Variants in DDAH1 observed in about 807,000 individuals in gnomAD.
DDAH1 encodes the protein dimethylarginine dimethylaminohydrolase 1, also known as N(G),N(G)-dimethylarginine dimethylaminohydrolase 1.
In DDAH1, 19 loss-of-function variants were observed where a neutral mutation model predicts 28.8. The observed-to-expected ratio is 0.66, with a 90% CI of 0.46 to 0.97. The LOEUF is 0.97. Among genes scored for constraint, DDAH1 ranks in the 50% least tolerant of loss-of-function variants. The probability of loss-of-function intolerance (pLI) is 0.00; values close to 1 mark genes in which losing one functional copy is unlikely to be tolerated. For synonymous variants in DDAH1, 153 were observed against 154.4 expected (o/e 0.99, Z 0.07); for missense variants, 326 against 375.9 (o/e 0.87, Z 1.10).
chr1:85,370,597 G>C (rs1297818221), intron 1 of DDAH1, among the ~76,000 whole-genome samples: 1 of 68,390 alleles, frequency 1.5e-5, no homozygotes, highest in Non-Finnish European at 3.5e-5. Flanking sequence ...AACTGCAGTA[G>C]TCCAGGTGAA....
chr1:85,406,721 C>G (rs906668360), intron 1 of DDAH1, among the ~76,000 whole-genome samples: 1 of 152,022 alleles, frequency 6.6e-6, no homozygotes, highest in Admixed American at 6.6e-5. Flanking sequence ...AAATATACTC[C>G]TTTAGTTTTT....
chr1:85,569,196 A>G (rs1358196022), intron 1 of DDAH1, among the ~76,000 whole-genome samples: 1 of 152,248 alleles, frequency 6.6e-6, no homozygotes, highest in East Asian at 1.9e-4. Flanking sequence ...GAGTTCAATT[A>G]GATTTTTAAA....
chr1:85,351,249 T>C (rs1649184679), intron 3 of DDAH1, among the ~76,000 whole-genome samples: 1 of 152,120 alleles, frequency 6.6e-6, no homozygotes. Flanking sequence ...GCCAGGTGGT[T>C]GTATAATTAT....
At chr1:85,556,417 T>C (rs1459877922) in intron 1 of DDAH1, among the ~76,000 whole-genome samples, 1 of 152,186 alleles carries the variant, frequency 6.6e-6, no homozygotes, top group African/African-American at 2.4e-5. Context: ...AAAGCACATG[T>C]TCCTACATGC....
chr1:85,358,767 G>A lies in DDAH1; in HGVS notation c.384C>T (p.Gly128=), dbSNP rs145062287. The change falls in exon 2 of 6, where the codon GGC becomes GGT. Residue 128 remains glycine (G), a synonymous_variant. Transcript: ENST00000284031. ...CTATACCTGTGAATAAAACATCTCC[G>A]CCATCTAAAGTTGCATTTTCATCTT... ...EMKDENATLD[G]GDVLFTGREF... 63 of 1,608,458 alleles carry A rather than the reference G, an allele frequency of 3.9e-5. 2 individuals are homozygous for A. In the Middle Eastern group the frequency reaches 5.1e-3, roughly 131 times the overall value.
chr1:85,397,551 A>T (rs1651868550), intron 1 of DDAH1, among the ~76,000 whole-genome samples: 1 of 152,232 alleles, frequency 6.6e-6, no homozygotes, highest in Non-Finnish European at 1.5e-5. Flanking sequence ...TTTTAAAGCT[A>T]TCTCTAGCTC....
chr1:85,554,471 T>C (rs1296742163), intron 1 of DDAH1, among the ~76,000 whole-genome samples: 2 of 152,130 alleles, frequency 1.3e-5, no homozygotes, highest in African/African-American at 2.4e-5. Flanking sequence ...GATTTTTAAA[T>C]GACTGGAAAT....
chr1:85,422,083 C>CA (rs2100616139), intron 1 of DDAH1, among the ~76,000 whole-genome samples: 1 of 134,998 alleles, frequency 7.4e-6, no homozygotes, highest in South Asian at 2.2e-4. Flanking sequence ...TTGATATTGT[C>CA]AGTTTTTTAA....
intron 1 of DDAH1, among the ~76,000 whole-genome samples, chr1:85,437,497 AC>A (rs1308139095): frequency 6.6e-6 from 1 of 152,140 alleles, no homozygotes; most frequent in South Asian, 2.1e-4. Context: ...ATGATAATCC[AC>A]TTCCACTTAA....
chr1:85,479,159 C>CTT (rs35629726), intron 2 of DDAH1, among the ~76,000 whole-genome samples: 1,022 of 78,624 alleles, frequency 0.013, 7 homozygotes, highest in African/African-American at 0.021. Context: ...TTCTGTTTTT[C>CTT]TTTTTTTTTT....
At chr1:85,507,815 G>A (rs184817971) in intron 1 of DDAH1, among the ~76,000 whole-genome samples, 1 of 152,096 alleles carries the variant, frequency 6.6e-6, no homozygotes, top group Admixed American at 6.5e-5. Context: ...ATGACTTTTG[G>A]AGGAATAAAA....
chr1:85,505,071 C>T (rs1000268516), intron 1 of DDAH1, among the ~76,000 whole-genome samples: 3 of 129,756 alleles, frequency 2.3e-5, no homozygotes, highest in African/African-American at 5.9e-5. Context: ...CTGCAACCTC[C>T]GTTTCCTGGA....
chr1:85,464,343 C>T lies in DDAH1; in HGVS notation c.303+400G>A, dbSNP rs746657523. On this transcript the variant is annotated intron_variant, in intron 1 of 5. Transcript: ENST00000284031. The surrounding 1 kb of genome is among the most constrained non-coding windows in gnomAD (Gnocchi z 4.4). The stretch of plus-strand genomic sequence containing the variant: ...TTCGGTGTCACGACTGGCGCTGCCC[C>T]CTGGAGGGACGCCCAGCCTCCACCC... Among the ~76,000 whole-genome samples the T allele has an allele frequency of 2.0e-5, 3 of 152,180 alleles. No individual in the cohort carries two copies. Among genetic ancestry groups the T allele is most frequent in the Non-Finnish European group, 2.9e-5 (2 of 68,036 alleles).
intron 1 of DDAH1, among the ~76,000 whole-genome samples, chr1:85,508,288 G>A (rs1175960816): frequency 6.6e-6 from 1 of 152,182 alleles, no homozygotes; most frequent in Non-Finnish European, 1.5e-5. Flanking sequence ...CTTCTCTAAA[G>A]ATAAATTTTC....
At chr1:85,482,719 T>C (rs369980203) in intron 2 of DDAH1, among the ~76,000 whole-genome samples, 21 of 152,232 alleles carry the variant, frequency 1.4e-4, no homozygotes, top group East Asian at 3.8e-4. Context: ...GATGGACATG[T>C]GCACTCACAA....
At chr1:85,538,524 T>C (rs1161124689) in intron 1 of DDAH1, among the ~76,000 whole-genome samples, 1 of 152,174 alleles carries the variant, frequency 6.6e-6, no homozygotes, top group African/African-American at 2.4e-5. Flanking sequence ...CTCAGTTTCA[T>C]TTCTTTCTCT....
intron 4 of DDAH1, among the ~76,000 whole-genome samples, chr1:85,349,915 G>A (rs967397181): frequency 4.6e-5 from 7 of 152,208 alleles, no homozygotes; most frequent in African/African-American, 1.7e-4. Flanking sequence ...GGAAATTTCC[G>A]GTCTTAAAAT....
chr1:85,392,205 G>C (rs1651584713), intron 1 of DDAH1, among the ~76,000 whole-genome samples: 1 of 152,066 alleles, frequency 6.6e-6, no homozygotes, highest in Non-Finnish European at 1.5e-5. Flanking sequence ...AGGCTATGAG[G>C]AAAGCATCTG....
At chr1:85,494,967 G>A (rs1656532821) in intron 2 of DDAH1, 1 of 152,194 alleles carries the variant, frequency 6.6e-6, no homozygotes, top group Non-Finnish European at 1.5e-5. Context: ...TCACCTTCTA[G>A]TCAGACTAGC....
Sources: gnomAD v4.1 joint callset for allele counts (sites outside exome capture counted in the v4.1 genomes callset) on GRCh38, gnomAD v4.1.1 for gene constraint, Gnocchi (gnomAD v3.1) non-coding constraint, MANE v1.5 for transcripts, NCBI Gene and HGNC (gene_info 2026-07-23, HGNC 2026-07-21) for gene names.